The following SH3RF1 variants were observed in gnomAD, a reference collection of about 807,000 sequenced individuals.
The protein encoded by SH3RF1 is E3 ubiquitin-protein ligase SH3RF1.
A neutral mutation model predicts 74.0 loss-of-function variants in SH3RF1; 32 were observed. The ratio of observed to expected loss-of-function variants is 0.43; its 90% CI spans 0.33 to 0.58. The LOEUF is 0.58. Ranked by LOEUF, SH3RF1 falls within the 20% of genes least tolerant of loss-of-function variation. The pLI, the probability that SH3RF1 is intolerant of heterozygous loss-of-function variation, is 0.05. For synonymous variants in SH3RF1, 396 were observed against 439.6 expected (o/e 0.90, Z 1.24); for missense variants, 954 against 1,130.9 (o/e 0.84, Z 2.24).
Position 169,155,469 on chromosome 4 carries a change from G to A in SH3RF1, c.765+11C>T. The A allele has an allele frequency of 6.3e-7, 1 of 1,590,812 alleles. No individual in the cohort carries two copies. Among genetic ancestry groups the A allele is most frequent in the Non-Finnish European group, 8.6e-7 (1 of 1,159,286 alleles). On this transcript the variant is annotated intron_variant, in intron 4 of 11. Transcript: ENST00000284637. ...TATTAACACAGTTCAAGTTTCTACA[G>A]ATTAATTTACCTCAACATATGAAAT...
intron 5 of SH3RF1, 137 bp downstream of exon 5, chr4:169,136,181 G>C: frequency 1.1e-6 from 1 of 929,028 alleles, no homozygotes; most frequent in Non-Finnish European, 1.5e-6. Flanking sequence ...AATGAAGACA[G>C]GTTTTGCTTC....
intron 2 of SH3RF1, among the ~76,000 whole-genome samples, chr4:169,255,711 A>G (rs939446633): frequency 4.0e-5 from 6 of 150,836 alleles, no homozygotes; most frequent in African/African-American, 1.5e-4. Context: ...TCTATCCAAC[A>G]GTGCATTAAA....
chr4:169,151,215 C>CT (rs1222247667), intron 4 of SH3RF1, among the ~76,000 whole-genome samples: 11 of 152,042 alleles, frequency 7.2e-5, no homozygotes, highest in African/African-American at 2.7e-4. Flanking sequence ...AGTTTGAATT[C>CT]TAATGGGGAA....
At chr4:169,151,753 T>G (rs1484288002) in intron 4 of SH3RF1, among the ~76,000 whole-genome samples, 1 of 152,220 alleles carries the variant, frequency 6.6e-6, no homozygotes. Flanking sequence ...GCTAAATAAC[T>G]TTTTTGGTGT....
At chr4:169,270,347 G>A (rs1399273153) in intron 1 of SH3RF1, among the ~76,000 whole-genome samples, 2 of 152,092 alleles carry the variant, frequency 1.3e-5, no homozygotes, top group Non-Finnish European at 2.9e-5. Context: ...GCAGGAGCCG[G>A]TCGCGGCCTG....
intron 2 of SH3RF1, among the ~76,000 whole-genome samples, chr4:169,193,808 A>C (rs1425507313): frequency 6.6e-6 from 1 of 152,202 alleles, no homozygotes; most frequent in Non-Finnish European, 1.5e-5. Context: ...AAACAGATAG[A>C]GTCTACGAGC....
chr4:169,224,681 C>T (rs1730627933), intron 2 of SH3RF1, among the ~76,000 whole-genome samples: 1 of 152,156 alleles, frequency 6.6e-6, no homozygotes, highest in African/African-American at 2.4e-5. Context: ...CAGGGGATAA[C>T]AGTAGCTGCA....
Position 169,106,843 on chromosome 4 carries a change from T to C in SH3RF1, c.2498+4A>G, listed in dbSNP as rs765378724. Reference sequence around the variant, plus strand: ...GTTTTTTCCTGGAACGAAGTTGAACTTACCTTTCACAAACGACAGGTCTAG... The same window carrying C: ...GTTTTTTCCTGGAACGAAGTTGAACCTACCTTTCACAAACGACAGGTCTAG... On this transcript the variant is annotated splice_donor_region_variant and intron_variant, in intron 11 of 11. Coordinates refer to ENST00000284637, the MANE Select transcript of SH3RF1 (RefSeq NM_020870.4). 6.5e-7 allele frequency: 1 copy of C among 1,543,762 alleles called. No individual in the cohort carries two copies. Among genetic ancestry groups the C allele is most frequent in the Admixed American group, 2.1e-5 (1 of 48,032 alleles).
At chr4:169,259,396 C>T (rs1731239641) in intron 2 of SH3RF1, among the ~76,000 whole-genome samples, 1 of 152,124 alleles carries the variant, frequency 6.6e-6, no homozygotes, top group Non-Finnish European at 1.5e-5. Context: ...ATTCCCTTCC[C>T]AGCTACCCCG....
chr4:169,196,036 A>T lies in SH3RF1; in HGVS notation c.394-39357T>A, dbSNP rs553260361. On this transcript the variant is annotated intron_variant, in intron 2 of 11. Coordinates refer to ENST00000284637, the MANE Select transcript of SH3RF1 (RefSeq NM_020870.4). Reference sequence around the variant, plus strand: ...GCCATGTTGGCCAGGCTGGTCTAGAACTCCTGACCTCAGGTGACCCACTCA... The same window carrying T: ...GCCATGTTGGCCAGGCTGGTCTAGATCTCCTGACCTCAGGTGACCCACTCA... 3.9e-5 allele frequency among the ~76,000 whole-genome samples: 6 copies of T among 151,996 alleles called. No individual in the cohort carries two copies. In the East Asian group the frequency reaches 1.2e-3, roughly 30 times the overall value.
chr4:169,242,346 A>G (rs997445649), intron 2 of SH3RF1, among the ~76,000 whole-genome samples: 1 of 152,210 alleles, frequency 6.6e-6, no homozygotes, highest in Non-Finnish European at 1.5e-5. Context: ...CCTATCAAGC[A>G]ATGTTTTTAA....
At chr4:169,268,490 T>A (rs1731389935) in intron 2 of SH3RF1, among the ~76,000 whole-genome samples, 1 of 152,210 alleles carries the variant, frequency 6.6e-6, no homozygotes, top group South Asian at 2.1e-4. Flanking sequence ...CCCATCAAAA[T>A]GATAAAATAC....
At chr4:169,259,506 AT>A (rs1731241235) in intron 2 of SH3RF1, among the ~76,000 whole-genome samples, 1 of 152,164 alleles carries the variant, frequency 6.6e-6, no homozygotes, top group Non-Finnish European at 1.5e-5. Flanking sequence ...TTGACTAGGC[AT>A]TGGCAGACAT....
chr4:169,122,878 A>C (rs964073192), intron 6 of SH3RF1, among the ~76,000 whole-genome samples: 4 of 152,216 alleles, frequency 2.6e-5, no homozygotes, highest in Admixed American at 1.3e-4. Flanking sequence ...ATCTTTAACA[A>C]GTACACCAGT....
chr4:169,252,843 C>G (rs1731128404), intron 2 of SH3RF1, among the ~76,000 whole-genome samples: 1 of 152,056 alleles, frequency 6.6e-6, no homozygotes, highest in African/African-American at 2.4e-5. Context: ...CCTAAACTGG[C>G]AACAACCCAC....
intron 2 of SH3RF1, among the ~76,000 whole-genome samples, chr4:169,240,874 T>C (rs1021233229): frequency 6.6e-6 from 1 of 152,106 alleles, no homozygotes; most frequent in African/African-American, 2.4e-5. Flanking sequence ...ACCAAACTAA[T>C]TATCACCCAA....
At chr4:169,113,112 T>TC (rs112933907) in intron 10 of SH3RF1, among the ~76,000 whole-genome samples, 2 of 104,888 alleles carry the variant, frequency 1.9e-5, no homozygotes, top group African/African-American at 7.6e-5. Context: ...CCCAGTTTTC[T>TC]TTTTTTTTTC....
chr4:169,097,096 G>T (rs956599089), intron 11 of SH3RF1, among the ~76,000 whole-genome samples: 8 of 152,146 alleles, frequency 5.3e-5, no homozygotes, highest in Non-Finnish European at 1.5e-5. Context: ...AGCTGAGCAG[G>T]GGGGGTTCAG....
chr4:169,106,870 C>T lies in SH3RF1; in HGVS notation c.2475G>A (p.Glu825=), dbSNP rs781778088. The part of the protein sequence containing the change: ...ACSSLGPVLN[E]SRPVVCERHR... ...ACCTTTCACAAACGACAGGTCTAGA[C>T]TCATTCAAGACAGGACCCAGGGAGG... Residue 825 remains glutamate, a synonymous_variant, in exon 11 of 12, where the codon GAG becomes GAA. Transcript: ENST00000284637. The T allele has an allele frequency of 6.2e-7, 1 of 1,609,926 alleles. No homozygotes were observed. Among genetic ancestry groups the T allele is most frequent in the South Asian group, 1.1e-5 (1 of 90,608 alleles).
Sources: allele counts gnomAD v4.1 joint callset (sites outside exome capture counted in the v4.1 genomes callset), GRCh38; gene constraint gnomAD v4.1.1; transcripts MANE v1.5; gene names NCBI Gene and HGNC (gene_info 2026-07-23, HGNC 2026-07-21).